The following PUS10 variants were observed in gnomAD, a reference collection of about 807,000 sequenced individuals.
The protein encoded by PUS10 is pseudouridine synthase 10.
PUS10 carries 59 observed loss-of-function variants against 75.0 expected under a neutral mutation model. The observed-to-expected ratio is 0.79, with a 90% CI of 0.64 to 0.98. The LOEUF (loss-of-function observed/expected upper bound fraction) is 0.98, where lower values mean the gene tolerates loss of function less well. PUS10 is among the 50% of genes least tolerant of loss of function. The pLI, the probability that PUS10 is intolerant of heterozygous loss-of-function variation, is 0.00. For synonymous variants in PUS10, 219 were observed against 211.6 expected (o/e 1.03, Z -0.30); for missense variants, 650 against 614.4 (o/e 1.06, Z -0.61).
At chr2:61,012,887 T>TACAC (rs1553419554) in intron 1 of PUS10, among the ~76,000 whole-genome samples, 14 of 88,856 alleles carry the variant, frequency 1.6e-4, no homozygotes, top group Admixed American at 4.1e-4. Flanking sequence ...TATATATATA[T>TACAC]ACACACACAC....
chr2:60,965,431 G>T lies in PUS10; in HGVS notation c.669C>A (p.Cys223Ter). 6.2e-7 allele frequency: 1 copy of T among 1,610,450 alleles called. No homozygotes were observed. Among genetic ancestry groups the T allele is most frequent in the South Asian group, 1.1e-5 (1 of 90,540 alleles). The change falls in exon 7 of 18, where the codon TGC becomes TGA. Residue 223 changes from cysteine (C) to a stop codon, truncating the protein, a stop_gained. Coordinates refer to ENST00000316752, the MANE Select transcript of PUS10 (RefSeq NM_144709.4). LOFTEE classifies it high-confidence loss of function. ...VFAHPETVED[C>*]HFLAAICPDC... ...TTTACATGGCAACTTACAGGAAGTG[G>T]CAATCCTCAACTGTTTCTGGGTGAG...
chr2:61,002,113 A>G (rs971698045), intron 4 of PUS10, among the ~76,000 whole-genome samples: 6 of 152,228 alleles, frequency 3.9e-5, no homozygotes, highest in Non-Finnish European at 8.8e-5. Flanking sequence ...GTAACAGCAC[A>G]AGCATTACCT....
At chr2:60,982,253 T>TTTTA (rs1001673960) in intron 4 of PUS10, among the ~76,000 whole-genome samples, 25 of 151,958 alleles carry the variant, frequency 1.6e-4, no homozygotes, top group Admixed American at 6.6e-4. Context: ...TATTTATTTA[T>TTTTA]TTTATTTATT....
At chr2:60,946,755 C>G (rs1265795608) in intron 16 of PUS10, among the ~76,000 whole-genome samples, 1 of 151,724 alleles carries the variant, frequency 6.6e-6, no homozygotes, top group Non-Finnish European at 1.5e-5. Flanking sequence ...GAAGGACAGG[C>G]AGACTAGTTA....
rs771629823 is a variant in PUS10, at chr2:61,006,540, C to G, written c.468+17G>C. 28 of 1,559,568 alleles carry G rather than the reference C, an allele frequency of 1.8e-5. No individual in the cohort carries two copies. The highest frequency in any genetic ancestry group is 3.4e-5 in the South Asian group (3 of 88,438). On this transcript the variant is annotated intron_variant, in intron 4 of 17. Coordinates refer to ENST00000316752, the MANE Select transcript of PUS10 (RefSeq NM_144709.4). ...CATGCACTTCACATACAGTTTTATG[C>G]ATGCAAATGACCTTACCTCTCTTAC... is the stretch of plus-strand genomic sequence containing the variant.
Position 61,018,133 on chromosome 2 carries a change from A to T in PUS10, c.-141T>A. On this transcript the variant is annotated 5_prime_UTR_variant, in exon 1 of 18. The change abolishes the stop of an existing upstream ORF in the 5' untranslated region. Coordinates refer to ENST00000316752, the MANE Select transcript of PUS10 (RefSeq NM_144709.4). ...TTGAAAGAAAGGGGGGCGGCTTCCT[A>T]CCTACCGCTTCTGTTTTCACTTTGA... 6.5e-7 allele frequency: 1 copy of T among 1,549,474 alleles called. No individual in the cohort carries two copies. The highest frequency in any genetic ancestry group is 8.7e-7 in the Non-Finnish European group (1 of 1,146,380).
At chr2:60,958,130 C>A (rs187326115) in intron 11 of PUS10, among the ~76,000 whole-genome samples, 7 of 152,204 alleles carry the variant, frequency 4.6e-5, no homozygotes, top group African/African-American at 1.7e-4. Context: ...CCACTCCTCT[C>A]GGTCTTCAGC....
At chr2:60,999,315 A>G (rs1386088948) in intron 4 of PUS10, among the ~76,000 whole-genome samples, 1 of 152,192 alleles carries the variant, frequency 6.6e-6, no homozygotes, top group African/African-American at 2.4e-5. Flanking sequence ...GGAATCAATC[A>G]TGAATATAAA....
intron 17 of PUS10, among the ~76,000 whole-genome samples, chr2:60,943,358 G>C (rs1265348689): frequency 6.6e-6 from 1 of 151,156 alleles, no homozygotes; most frequent in Non-Finnish European, 1.5e-5. Flanking sequence ...GTTCTTCTAG[G>C]ACAAAACCTT....
intron 4 of PUS10, among the ~76,000 whole-genome samples, chr2:60,991,899 C>T (rs576272377): frequency 2.6e-5 from 4 of 152,204 alleles, no homozygotes; most frequent in South Asian, 2.1e-4. Context: ...TCCAATTTAA[C>T]GTGGTAGGGG....
At chr2:60,989,844 C>T (rs112162910) in intron 4 of PUS10, among the ~76,000 whole-genome samples, 4 of 151,956 alleles carry the variant, frequency 2.6e-5, no homozygotes, top group Admixed American at 6.6e-5. Flanking sequence ...AGGCTGGTCT[C>T]GAACTCCTGA....
chr2:60,975,939 T>C (rs1677009590), intron 4 of PUS10, among the ~76,000 whole-genome samples: 1 of 152,124 alleles, frequency 6.6e-6, no homozygotes, highest in Admixed American at 6.6e-5. Flanking sequence ...TTTTTATATT[T>C]TTAGTAGAGA....
chr2:60,975,241 G>A (rs903674235), intron 4 of PUS10, among the ~76,000 whole-genome samples: 12 of 152,060 alleles, frequency 7.9e-5, no homozygotes, highest in Admixed American at 2.6e-4. Context: ...CCACCTCCTG[G>A]GTTCAAGCAA....
chr2:60,960,739 T>C (rs1438888111), intron 10 of PUS10, among the ~76,000 whole-genome samples: 1 of 151,662 alleles, frequency 6.6e-6, no homozygotes, highest in East Asian at 1.9e-4. Flanking sequence ...TGGGTAAATA[T>C]ATGATATGAA....
chr2:61,008,262 G>A (rs1359621951), intron 3 of PUS10, among the ~76,000 whole-genome samples: 1 of 151,936 alleles, frequency 6.6e-6, no homozygotes, highest in African/African-American at 2.4e-5. Flanking sequence ...AGTGGCTCAT[G>A]TCTGTAATCC....
intron 4 of PUS10, among the ~76,000 whole-genome samples, chr2:60,986,707 T>C (rs1677743591): frequency 1.3e-5 from 2 of 152,358 alleles, no homozygotes; most frequent in African/African-American, 4.8e-5. Context: ...TAGTTTAGTG[T>C]GCCTGCCATC....
chr2:60,972,487 A>G (rs1347594167), intron 4 of PUS10, among the ~76,000 whole-genome samples: 1 of 152,048 alleles, frequency 6.6e-6, no homozygotes, highest in African/African-American at 2.4e-5. Flanking sequence ...AAAAAAGAAA[A>G]AAAAGAAATG....
intron 4 of PUS10, among the ~76,000 whole-genome samples, chr2:60,994,025 G>A (rs1279021008): frequency 2.6e-5 from 4 of 152,002 alleles, no homozygotes; most frequent in African/African-American, 7.2e-5. Flanking sequence ...TCCTGACCTC[G>A]TGATCTGCCT....
At position 60,947,471 on chromosome 2, in the gene PUS10, T is replaced by C. The variant is rs145778315; in HGVS notation, c.1451+572A>G. The stretch of plus-strand genomic sequence containing the variant: ...AGCATTGTGTAAGACACTACAATTA[T>C]AGGAAACATAACTTTAAAGCTGACA... On this transcript the variant is annotated intron_variant, in intron 16 of 17. Transcript: ENST00000316752. Among the ~76,000 whole-genome samples, 503 of 152,284 alleles carry C rather than the reference T, an allele frequency of 3.3e-3. 6 individuals carry two copies. The highest frequency in any genetic ancestry group is 0.012 in the African/African-American group (482 of 41,564).
Sources: gnomAD v4.1 joint callset for allele counts (sites outside exome capture counted in the v4.1 genomes callset) on GRCh38, gnomAD v4.1.1 for gene constraint, MANE v1.5 for transcripts, NCBI Gene and HGNC (gene_info 2026-07-23, HGNC 2026-07-21) for gene names.